Variants in OCA2 observed in about 807,000 individuals in gnomAD.
OCA2 encodes OCA2 melanosomal transmembrane protein.
Under a neutral mutation model 100.2 loss-of-function variants are expected in OCA2, and 77 were observed. The observed-to-expected ratio is 0.77, with a 90% CI of 0.64 to 0.93. The LOEUF is 0.93. Among genes scored for constraint, OCA2 ranks in the 40% least tolerant of loss-of-function variants. The pLI, the probability that OCA2 is intolerant of heterozygous loss-of-function variation, is 0.00. For missense variants in OCA2, 1,062 were observed against 1,089.1 expected (o/e 0.98, Z 0.35); for synonymous variants, 432 against 439.2 (o/e 0.98, Z 0.21).
At chr15:27,874,227 C>G (rs999888266) in intron 19 of OCA2, among the ~76,000 whole-genome samples, 2 of 152,174 alleles carry the variant, frequency 1.3e-5, no homozygotes, top group Non-Finnish European at 2.9e-5. Context: ...GAATCTCTCT[C>G]CCCACGAAAA....
chr15:28,064,680 T>A (rs2043971086), intron 2 of OCA2, among the ~76,000 whole-genome samples: 1 of 151,414 alleles, frequency 6.6e-6, no homozygotes, highest in Non-Finnish European at 1.5e-5. Context: ...GTTTTTCTTA[T>A]TTCCCATATT....
At chr15:27,773,232 T>G (rs897626262) in intron 23 of OCA2, among the ~76,000 whole-genome samples, 4 of 152,206 alleles carry the variant, frequency 2.6e-5, no homozygotes, top group Non-Finnish European at 4.4e-5. Context: ...TTTTATATAA[T>G]TTTGGTTTAG....
At chr15:27,765,505 G>A (rs1395700725) in intron 23 of OCA2, among the ~76,000 whole-genome samples, 1 of 152,148 alleles carries the variant, frequency 6.6e-6, no homozygotes, top group Non-Finnish European at 1.5e-5. Context: ...AATTTCCTGA[G>A]GCTCCAGAGG....
intron 2 of OCA2, among the ~76,000 whole-genome samples, chr15:28,076,849 G>A (rs1314405533): frequency 3.1e-5 from 3 of 97,390 alleles, no homozygotes; most frequent in Non-Finnish European, 4.9e-5. Flanking sequence ...GCGAGACTCC[G>A]TCTCAAAAAA....
chr15:28,088,473 A>G (rs2044816006), intron 1 of OCA2, among the ~76,000 whole-genome samples: 1 of 152,256 alleles, frequency 6.6e-6, no homozygotes, highest in Admixed American at 6.5e-5. Context: ...TAAAAGAGAT[A>G]CACCAAGAAA....
chr15:27,879,039 G>GA (rs1476545084), intron 19 of OCA2, among the ~76,000 whole-genome samples: 1 of 151,984 alleles, frequency 6.6e-6, no homozygotes. Flanking sequence ...TCCAGTGTGG[G>GA]TTGTTCCCCT....
rs1303891298 is a variant in OCA2 at position 28,022,159 on chromosome 15, G to A, written c.646+342C>T. Among the ~76,000 whole-genome samples the A allele has an allele frequency of 2.0e-5, 3 of 152,360 alleles. No individual in the cohort carries two copies. The East Asian group carries it at 5.8e-4, about 29-fold the overall frequency. On this transcript the variant is annotated intron_variant, in intron 6 of 23. Coordinates refer to ENST00000354638, the MANE Select transcript of OCA2 (RefSeq NM_000275.3). Reference sequence around the variant, plus strand: ...CATCAGAGCAAGGTGACACAGCCAGGACAGCAGGGACTGGAAGATGGGTCA... The same window carrying A: ...CATCAGAGCAAGGTGACACAGCCAGAACAGCAGGGACTGGAAGATGGGTCA...
At chr15:28,057,830 G>A (rs1203557609) in intron 2 of OCA2, among the ~76,000 whole-genome samples, 1 of 152,162 alleles carries the variant, frequency 6.6e-6, no homozygotes, top group Admixed American at 6.5e-5. Flanking sequence ...TTTGTACTCA[G>A]AAAACTCAGG....
chr15:27,970,948 G>A (rs1247892520), intron 14 of OCA2, among the ~76,000 whole-genome samples: 2 of 151,766 alleles, frequency 1.3e-5, no homozygotes, highest in Non-Finnish European at 2.9e-5. Context: ...GTACGGCAGG[G>A]AAAGCCTGAA....
In OCA2 at chr15:28,017,589, G is replaced by A. The variant is rs112719907; in HGVS notation, c.807+808C>T. Reference sequence around the variant, plus strand: ...GAACATTGGTGTTGCGTCAGCCACGGTCCAGGACACTGCATGCTAGTTCAT... The same window carrying A: ...GAACATTGGTGTTGCGTCAGCCACGATCCAGGACACTGCATGCTAGTTCAT... On this transcript the variant is annotated intron_variant, in intron 7 of 23. Coordinates refer to ENST00000354638, the MANE Select transcript of OCA2 (RefSeq NM_000275.3). 3.5e-3 allele frequency among the ~76,000 whole-genome samples: 538 copies of A among 152,322 alleles called. 4 individuals are homozygous for A. The highest frequency in any genetic ancestry group is 0.013 in the African/African-American group (522 of 41,564).
intron 11 of OCA2, among the ~76,000 whole-genome samples, chr15:27,986,927 G>A (rs946040860): frequency 6.6e-6 from 1 of 152,134 alleles, no homozygotes; most frequent in African/African-American, 2.4e-5. Flanking sequence ...AAAAAAATCA[G>A]GTGTTATTTT....
chr15:27,970,703 G>A (rs988927030), intron 14 of OCA2, among the ~76,000 whole-genome samples: 3 of 144,708 alleles, frequency 2.1e-5, no homozygotes, highest in Non-Finnish European at 4.5e-5. Context: ...CCTGAAGAAC[G>A]CATGCTGGGA....
intron 14 of OCA2, among the ~76,000 whole-genome samples, chr15:27,970,348 G>A (rs770349686): frequency 6.6e-6 from 1 of 152,134 alleles, no homozygotes; most frequent in Non-Finnish European, 1.5e-5. Flanking sequence ...GCAGAGCAGG[G>A]CCCACAAGAG....
At chr15:28,098,450 C>G (rs1371896981) in intron 1 of OCA2, among the ~76,000 whole-genome samples, 3 of 152,258 alleles carry the variant, frequency 2.0e-5, no homozygotes, top group South Asian at 4.1e-4. Context: ...TTTAGGTAGA[C>G]AGCAGCTGCC....
chr15:27,954,154 CACACA>C (rs1567150592), intron 17 of OCA2, among the ~76,000 whole-genome samples: 2,418 of 53,194 alleles, frequency 0.045, 37 homozygotes, highest in Non-Finnish European at 0.14. Context: ...CACACACACA[CACACA>C]CCTAGGGTCA....
At chr15:27,873,502 T>C (rs2151508780) in intron 19 of OCA2, among the ~76,000 whole-genome samples, 1 of 152,326 alleles carries the variant, frequency 6.6e-6, no homozygotes, top group South Asian at 2.1e-4. Flanking sequence ...ATATCATCAG[T>C]TGAAAGAAAA....
At position 27,824,368 on chromosome 15, in the gene OCA2, CA is replaced by C. The variant is rs538907516; in HGVS notation, c.2432+20590del. On this transcript the variant is annotated intron_variant, in intron 23 of 23. Transcript: ENST00000354638. The stretch of plus-strand genomic sequence containing the variant: ...GGGCAACAACTGTGAAACTCTGTCT[CA>C]AAAAAACAAAAGAAAGAAGGAAAGA... 1.2e-3 allele frequency among the ~76,000 whole-genome samples: 181 copies of C among 150,216 alleles called. 1 individual carries two copies. The highest frequency in any genetic ancestry group is 3.6e-3 in the Admixed American group (54 of 15,080).
At chr15:28,030,057 A>C (rs1342469912) in intron 3 of OCA2, among the ~76,000 whole-genome samples, 1 of 152,252 alleles carries the variant, frequency 6.6e-6, no homozygotes. Flanking sequence ...TTTACCAAGT[A>C]ATTCAAGAGA....
chr15:27,978,710 G>A (rs557099472), intron 14 of OCA2, among the ~76,000 whole-genome samples: 2 of 150,432 alleles, frequency 1.3e-5, no homozygotes, highest in South Asian at 2.1e-4. Context: ...TTCCTGAGAC[G>A]GAGTTTCACT....
Sources: gnomAD v4.1 joint callset for allele counts (sites outside exome capture counted in the v4.1 genomes callset) on GRCh38, gnomAD v4.1.1 for gene constraint, MANE v1.5 for transcripts, NCBI Gene and HGNC (gene_info 2026-07-23, HGNC 2026-07-21) for gene names.